CC2D2A: variants seen among roughly 807,000 people sequenced by gnomAD.
CC2D2A encodes the protein coiled-coil and C2 domain containing 2A, also known as coiled-coil and C2 domain-containing protein 2A.
A neutral mutation model predicts 212.9 loss-of-function variants in CC2D2A; 155 were observed. The observed-to-expected ratio is 0.73, with a 90% CI of 0.64 to 0.83. The LOEUF (loss-of-function observed/expected upper bound fraction) is 0.83, where lower values mean the gene tolerates loss of function less well. Among genes scored for constraint, CC2D2A ranks in the 40% least tolerant of loss-of-function variants. The probability of loss-of-function intolerance (pLI) is 0.00; values close to 1 mark genes in which losing one functional copy is unlikely to be tolerated. For synonymous variants in CC2D2A, 667 were observed against 686.5 expected, an observed-to-expected ratio of 0.97 and a Z score of 0.44; for missense variants, 1,856 against 1,956.2, an observed-to-expected ratio of 0.95 and a Z score of 0.97.
At chr4:15,478,845 T>A in intron 3 of CC2D2A, 39 bp downstream of exon 3, 1 of 1,475,186 alleles carries the variant, frequency 6.8e-7, no homozygotes, top group Non-Finnish European at 9.3e-7. Context: ...GTATTGTCAT[T>A]GATCAACAAC....
intron 23 of CC2D2A, chr4:15,561,711 C>A (rs905866361): frequency 6.6e-6 from 1 of 152,190 alleles, no homozygotes; most frequent in Non-Finnish European, 1.5e-5. Flanking sequence ...ATGGAGACAT[C>A]AAAGTCTCAG....
intron 1 of CC2D2A, among the ~76,000 whole-genome samples, chr4:15,475,005 G>T (rs1305600576): frequency 1.3e-5 from 2 of 152,248 alleles, no homozygotes; most frequent in Non-Finnish European, 2.9e-5. Context: ...GCCGGGCACG[G>T]TGGCTCACGC....
chr4:15,575,971 A>C (rs1436953124), intron 29 of CC2D2A, among the ~76,000 whole-genome samples: 2 of 152,200 alleles, frequency 1.3e-5, no homozygotes, highest in Non-Finnish European at 2.9e-5. Context: ...CACACTAGGC[A>C]TCCCTCACGG....
chr4:15,516,640 G>A lies in CC2D2A; in HGVS notation c.1033G>A (p.Gly345Arg). The change falls in exon 11 of 37, where the codon GGA (glycine) becomes AGA (arginine). Residue 345 changes from glycine (G) to arginine (R), a missense_variant. By Grantham distance (125) the Gly-to-Arg change is moderately radical. Transcript: ENST00000424120. ...TCATCTACAGGAAAGAAGATGGTTT[G>A]GAGATGACGGCAGGATCCTAGCTCT... ...LMQDPERRWF[G>R]DDGRILALPN... is the part of the protein sequence containing the mutation. 1.2e-6 allele frequency: 2 copies of A among 1,612,668 alleles called. No individual in the cohort carries two copies. Among genetic ancestry groups the A allele is most frequent in the South Asian group, 2.2e-5 (2 of 90,842 alleles).
chr4:15,471,875 C>T (rs1455868714), intron 1 of CC2D2A, among the ~76,000 whole-genome samples: 1 of 152,180 alleles, frequency 6.6e-6, no homozygotes, highest in Non-Finnish European at 1.5e-5. Context: ...CTCTGACCCA[C>T]TGATGACTCT....
intron 35 of CC2D2A, 91 bp from the exon 36 acceptor site, chr4:15,599,438 C>T: frequency 1.3e-6 from 1 of 774,212 alleles, no homozygotes; most frequent in Non-Finnish European, 2.0e-6. Context: ...TATAGTTATA[C>T]AATCATCTGA....
chr4:15,563,953 CTAA>C (rs1719743336), intron 24 of CC2D2A: 1 of 171,982 alleles, frequency 5.8e-6, no homozygotes, highest in Non-Finnish European at 1.3e-5. Context: ...GATCCATGGT[CTAA>C]TCGCCGATAG....
intron 4 of CC2D2A, among the ~76,000 whole-genome samples, chr4:15,495,079 C>T (rs1195103732): frequency 6.6e-6 from 1 of 152,150 alleles, no homozygotes; most frequent in African/African-American, 2.4e-5. Flanking sequence ...CTCCCACCCT[C>T]CACCCTCAAA....
intron 28 of CC2D2A, among the ~76,000 whole-genome samples, 174 bp from the exon 29 acceptor site, chr4:15,573,976 G>C (rs1183045964): frequency 6.6e-6 from 1 of 152,230 alleles, no homozygotes; most frequent in Non-Finnish European, 1.5e-5. Flanking sequence ...AGGAAGTACA[G>C]AGCCCTTTCT....
At chr4:15,572,638 T>C (rs866498404) in intron 28 of CC2D2A, among the ~76,000 whole-genome samples, 2 of 151,722 alleles carry the variant, frequency 1.3e-5, no homozygotes, top group African/African-American at 4.8e-5. Flanking sequence ...TGGCCAAATA[T>C]CTATAGTGCC....
chr4:15,563,595 AC>A (rs1455210938), intron 24 of CC2D2A, 73 bp downstream of exon 24: 181 of 1,466,504 alleles, frequency 1.2e-4, no homozygotes, highest in East Asian at 1.1e-3. Context: ...TTTACAGCAT[AC>A]TCACTCTCAT....
intron 22 of CC2D2A, 116 bp downstream of exon 22, chr4:15,559,373 C>G: frequency 3.1e-6 from 2 of 637,876 alleles, no homozygotes; most frequent in Non-Finnish European, 5.5e-6. Flanking sequence ...ACTTAGCTTG[C>G]ATAAATTTCC....
In CC2D2A at chr4:15,557,498, G is replaced by C. The variant is rs762973984; in HGVS notation, c.2820G>C (p.Lys940Asn). The C allele has an allele frequency of 2.0e-5, 32 of 1,598,480 alleles. No homozygotes were observed. The highest frequency in any genetic ancestry group is 2.6e-5 in the Non-Finnish European group (30 of 1,172,258). The change falls in exon 21 of 37, where the codon AAG (lysine) becomes AAC (asparagine). Residue 940 changes from lysine to asparagine, a missense_variant. This residue lies in a region of CC2D2A where 1,512 missense variants were observed against 1,579.3 expected (regional missense o/e 0.96). Transcript: ENST00000424120. ...VPVYDREIME[K>N]VFQDYEKRLR... ...TCTATGACCGAGAAATTATGGAAAA[G>C]GTATTCCAGGTAAGAAACTGCCATA...
chr4:15,574,781 GACCTTCATGAGTC>G (rs1230148622), intron 29 of CC2D2A, among the ~76,000 whole-genome samples: 1 of 152,194 alleles, frequency 6.6e-6, no homozygotes, highest in Non-Finnish European at 1.5e-5. Context: ...AAGACTAGAT[GACCTTCATGAGTC>G]ACCTCAATTC....
At chr4:15,492,502 T>C (rs1217706050) in intron 4 of CC2D2A, among the ~76,000 whole-genome samples, 1 of 150,650 alleles carries the variant, frequency 6.6e-6, no homozygotes, top group African/African-American at 2.5e-5. Flanking sequence ...TTTTTTTTGT[T>C]TGTTTGTTTG....
chr4:15,516,649 G>A lies in CC2D2A; in HGVS notation c.1042G>A (p.Gly348Ser), dbSNP rs753091095. Residue 348 changes from glycine to serine, a missense_variant, in exon 11 of 37, where the codon GGC becomes AGC. Transcript: ENST00000424120. ...GGAAAGAAGATGGTTTGGAGATGAC[G>A]GCAGGATCCTAGCTCTGCCAAACCC... is the stretch of plus-strand genomic sequence containing the variant. ...DPERRWFGDD[G>S]RILALPNPIK... is the part of the protein sequence containing the mutation. The A allele has an allele frequency of 1.7e-5, 28 of 1,612,600 alleles. No individual in the cohort carries two copies. The South Asian group carries it at 1.9e-4, about 11-fold the overall frequency.
At chr4:15,489,552 C>T (rs947900677) in intron 4 of CC2D2A, among the ~76,000 whole-genome samples, 18 of 152,136 alleles carry the variant, frequency 1.2e-4, no homozygotes, top group African/African-American at 3.9e-4. Flanking sequence ...TTAATCTGTA[C>T]TCAAAGCCCC....
chr4:15,478,952 A>T, intron 3 of CC2D2A, 146 bp downstream of exon 3: 2 of 706,970 alleles, frequency 2.8e-6, no homozygotes, highest in Non-Finnish European at 4.9e-6. Context: ...TGAGGCGGGG[A>T]TGCAGATGGG....
chr4:15,486,272 G>A (rs1247466267), intron 4 of CC2D2A, among the ~76,000 whole-genome samples: 5 of 152,070 alleles, frequency 3.3e-5, no homozygotes, highest in Admixed American at 6.5e-5. Context: ...CAGCAGGGTA[G>A]CCATCAGGTC....
Sources: gnomAD v4.1 joint callset for allele counts (sites outside exome capture counted in the v4.1 genomes callset) on GRCh38, gnomAD v4.1.1 for gene constraint, gnomAD v4.1.1 regional missense constraint, MANE v1.5 for transcripts, NCBI Gene and HGNC (gene_info 2026-07-23, HGNC 2026-07-21) for gene names.